PLCH2: variants seen among roughly 807,000 people sequenced by gnomAD.
PLCH2 encodes 1-phosphatidylinositol 4,5-bisphosphate phosphodiesterase eta-2.
Under a neutral mutation model 134.7 loss-of-function variants are expected in PLCH2, and 98 were observed. That is an observed-to-expected ratio of 0.73 (90% CI 0.62 to 0.86). The LOEUF is 0.86. Ranked by LOEUF, PLCH2 falls within the 40% of genes least tolerant of loss-of-function variation. The probability of loss-of-function intolerance (pLI) is 0.00; values close to 1 mark genes in which losing one functional copy is unlikely to be tolerated. For missense variants in PLCH2, 1,994 were observed against 1,986.6 expected (o/e 1.00, Z -0.07); for synonymous variants, 974 against 827.5 (o/e 1.18, Z -3.04).
chr1:2,450,987 A>G (rs890783387), intron 2 of PLCH2, among the ~76,000 whole-genome samples: 6 of 150,798 alleles, frequency 4.0e-5, no homozygotes, highest in African/African-American at 1.5e-4. Context: ...CGGCAGTGGG[A>G]CCCCCGCCTG....
chr1:2,478,943 C>G (rs1204468513), intron 2 of PLCH2: 1 of 375,798 alleles, frequency 2.7e-6, no homozygotes, highest in African/African-American at 2.0e-5. Context: ...TCCCCATAAA[C>G]AGAAACGACC....
chr1:2,473,256 G>A (rs1020693873), upstream of PLCH2, among the ~76,000 whole-genome samples: 1 of 152,208 alleles, frequency 6.6e-6, no homozygotes, highest in Non-Finnish European at 1.5e-5. Context: ...CCAAGGTCGG[G>A]GGGCAGGCCC....
chr1:2,453,239 G>A (rs1318108067), intron 2 of PLCH2, among the ~76,000 whole-genome samples: 1 of 152,156 alleles, frequency 6.6e-6, no homozygotes, highest in Admixed American at 6.5e-5. Context: ...CACTGTGCTC[G>A]AGATGTGGTC....
chr1:2,423,272 C>G (rs148442830), upstream of PLCH2, among the ~76,000 whole-genome samples: 57 of 152,292 alleles, frequency 3.7e-4, no homozygotes, highest in African/African-American at 1.4e-3. Flanking sequence ...ACCGTAACCT[C>G]GAACTCCTGG....
intron 2 of PLCH2, among the ~76,000 whole-genome samples, chr1:2,453,899 C>A (rs576653852): frequency 6.6e-6 from 1 of 152,090 alleles, no homozygotes; most frequent in South Asian, 2.1e-4. Flanking sequence ...GCCTGGCCTG[C>A]GCCTGCCGAG....
chr1:2,429,149 C>T (rs910659656), intron 1 of PLCH2, among the ~76,000 whole-genome samples: 1 of 152,024 alleles, frequency 6.6e-6, no homozygotes, highest in Non-Finnish European at 1.5e-5. Flanking sequence ...AGGAGGGAGG[C>T]GAGGTCAAGG....
At chr1:2,453,495 C>T (rs925043081) in intron 2 of PLCH2, among the ~76,000 whole-genome samples, 2 of 152,208 alleles carry the variant, frequency 1.3e-5, no homozygotes, top group Non-Finnish European at 2.9e-5. Flanking sequence ...GGAATGCTGA[C>T]AGTGATCTGG....
At chr1:2,446,781 C>T (rs1278469269) in intron 2 of PLCH2, among the ~76,000 whole-genome samples, 1 of 152,162 alleles carries the variant, frequency 6.6e-6, no homozygotes, top group Non-Finnish European at 1.5e-5. Context: ...GGGTCGGGGC[C>T]TGCAGAGGGG....
chr1:2,432,783 C>T (rs568685864), intron 2 of PLCH2, among the ~76,000 whole-genome samples: 16 of 152,310 alleles, frequency 1.1e-4, no homozygotes, highest in East Asian at 5.8e-4. Context: ...GGACGGACAC[C>T]GCCGCCCTCC....
intron 2 of PLCH2, among the ~76,000 whole-genome samples, chr1:2,437,779 A>T (rs536000905): frequency 6.6e-6 from 1 of 151,836 alleles, no homozygotes; most frequent in African/African-American, 2.4e-5. Flanking sequence ...ATGTATACCC[A>T]CCCCCACACA....
chr1:2,476,370 G>A lies in PLCH2; in HGVS notation c.-219G>A, dbSNP rs1411123581. 1 of 462,700 alleles carries A rather than the reference G, an allele frequency of 2.2e-6. No homozygotes were observed. The highest frequency in any genetic ancestry group is 3.4e-5 in the East Asian group (1 of 29,258). The allele number at this position is 462,700 out of a possible 1,614,324, so 28.7% of individuals were successfully genotyped here. On this transcript the variant is annotated 5_prime_UTR_variant, in exon 1 of 22. Transcript: ENST00000378486. The stretch of plus-strand genomic sequence containing the variant: ...TGGAGGGTGGATAGGCTGGCCTGGG[G>A]GCCATCAGGACAGCAGGTGACGGTC...
In PLCH2 at chr1:2,495,480, C is replaced by G. The variant is rs564778295; in HGVS notation, c.1753-8C>G. On this transcript the variant is annotated splice_region_variant and splice_polypyrimidine_tract_variant and intron_variant, in intron 12 of 21. Coordinates refer to ENST00000378486, the MANE Select transcript of PLCH2 (RefSeq NM_014638.4). The stretch of plus-strand genomic sequence containing the variant: ...GCCCTACAGCTCACACCTCTGCCCC[C>G]CGCACAGAAGAAGGGCAGCAAGCTG... 99 of 1,550,734 alleles carry G rather than the reference C, an allele frequency of 6.4e-5. No individual in the cohort carries two copies. The highest frequency in any genetic ancestry group is 8.5e-5 in the Non-Finnish European group (98 of 1,146,510).
At chr1:2,494,265 T>A (rs1398231897) in intron 11 of PLCH2, 2 of 160,510 alleles carry the variant, frequency 1.2e-5, no homozygotes, top group Non-Finnish European at 2.7e-5. Flanking sequence ...CAGCCCTGGG[T>A]TCGGCGGGGG....
intron 2 of PLCH2, among the ~76,000 whole-genome samples, chr1:2,458,431 C>T (rs756928221): frequency 1.3e-5 from 2 of 152,210 alleles, no homozygotes; most frequent in Non-Finnish European, 2.9e-5. Context: ...GGAGGCTGGG[C>T]TGGACAGTCC....
chr1:2,491,617 GC>G (rs1642586923), intron 11 of PLCH2, among the ~76,000 whole-genome samples: 2 of 152,272 alleles, frequency 1.3e-5, no homozygotes, highest in Non-Finnish European at 2.9e-5. Flanking sequence ...GCTGCCTGTG[GC>G]CACGTGGGGA....
chr1:2,428,072 TC>T (rs929358845), intron 1 of PLCH2, among the ~76,000 whole-genome samples: 3 of 152,186 alleles, frequency 2.0e-5, no homozygotes, highest in Non-Finnish European at 2.9e-5. Flanking sequence ...GGGCTGTGCT[TC>T]CTGATTCAAT....
chr1:2,484,660 C>A, intron 5 of PLCH2, 42 bp downstream of exon 5: 1 of 1,595,832 alleles, frequency 6.3e-7, no homozygotes, highest in Non-Finnish European at 8.5e-7. Context: ...AGCCATCAGG[C>A]CTCGCCTTCT....
rs1278475337 is a variant in PLCH2 at position 2,502,258 on chromosome 1, C to T, written c.2808C>T (p.Ser936=). The change falls in exon 21 of 22, where the codon AGC becomes AGT. Residue 936 remains serine (S), a synonymous_variant. Coordinates refer to ENST00000378486, the MANE Select transcript of PLCH2 (RefSeq NM_014638.4). ...LRRTASAPTK[S]QKPGRRGFPE... ...GCACGGCCAGCGCCCCGACCAAGAGCCAGAAGCCGGGCCGCAGGGGCTTCC... is the reference window on the plus strand; with the variant it reads ...GCACGGCCAGCGCCCCGACCAAGAGTCAGAAGCCGGGCCGCAGGGGCTTCC... 19 of 1,541,410 alleles carry T rather than the reference C, an allele frequency of 1.2e-5. No homozygotes were observed. Among genetic ancestry groups the T allele is most frequent in the Non-Finnish European group, 1.7e-5 (19 of 1,144,720 alleles).
intron 2 of PLCH2, among the ~76,000 whole-genome samples, chr1:2,447,444 C>T (rs888980912): frequency 2.6e-5 from 4 of 152,184 alleles, no homozygotes; most frequent in Non-Finnish European, 4.4e-5. Context: ...TTCTGCTGTG[C>T]TCCCAGGGTG....
Sources: allele counts gnomAD v4.1 joint callset (sites outside exome capture counted in the v4.1 genomes callset), GRCh38; gene constraint gnomAD v4.1.1; transcripts MANE v1.5; gene names NCBI Gene and HGNC (gene_info 2026-07-23, HGNC 2026-07-21).